The following SUPT3H variants were observed in gnomAD, a reference collection of about 807,000 sequenced individuals.
The protein encoded by SUPT3H is SPT3 homolog, SAGA and STAGA complex component.
SUPT3H carries 44 observed loss-of-function variants against 44.3 expected under a neutral mutation model. That is an observed-to-expected ratio of 0.99 (90% CI 0.78 to 1.28). The LOEUF is 1.28. Among genes scored for constraint, SUPT3H ranks in the 50% most tolerant of loss-of-function variants. SUPT3H has a pLI of 0.00. For missense variants in SUPT3H, 380 were observed against 387.1 expected (o/e 0.98, Z 0.15); for synonymous variants, 124 against 125.6 (o/e 0.99, Z 0.09).
Position 45,089,760 on chromosome 6 carries a change from A to G in SUPT3H, c.186+16162T>C, listed in dbSNP as rs1369930134. On this transcript the variant is annotated intron_variant, in intron 3 of 10. Coordinates refer to ENST00000371459, the MANE Select transcript of SUPT3H (RefSeq NM_003599.4). ...TTAGAGCTAGCAACAACTTTTGCCTAAATACTGCAATATCCTCCTTATAAC... is the reference window on the plus strand; with the variant it reads ...TTAGAGCTAGCAACAACTTTTGCCTGAATACTGCAATATCCTCCTTATAAC... Among the ~76,000 whole-genome samples, 4 of 152,056 alleles carry G rather than the reference A, an allele frequency of 2.6e-5. 1 individual carries two copies. In the East Asian group the frequency reaches 7.7e-4, roughly 29 times the overall value.
rs143807529 is a variant in SUPT3H, at chr6:45,242,079, C to T, written c.101+123122G>A. On this transcript the variant is annotated intron_variant, in intron 2 of 10. Coordinates refer to ENST00000371459, the MANE Select transcript of SUPT3H (RefSeq NM_003599.4). Reference sequence around the variant, plus strand: ...TTGTGGAAACTACAGAGCAAATTTACTTGACTTGGTCTTCTGCTGTAAACA... The same window carrying T: ...TTGTGGAAACTACAGAGCAAATTTATTTGACTTGGTCTTCTGCTGTAAACA... Among the ~76,000 whole-genome samples, 388 of 152,270 alleles carry T rather than the reference C, an allele frequency of 2.5e-3. 3 individuals are homozygous for T. The highest frequency in any genetic ancestry group is 8.5e-3 in the African/African-American group (354 of 41,558).
Position 44,866,034 on chromosome 6 carries a change from A to G in SUPT3H, c.913-36177T>C, listed in dbSNP as rs559794191. 1.4e-4 allele frequency among the ~76,000 whole-genome samples: 21 copies of G among 152,196 alleles called. 1 individual carries two copies. The highest frequency in any genetic ancestry group is 5.1e-4 in the African/African-American group (21 of 41,536). ...TACTTTCTCCTCAGAAACAGGTCTA[A>G]GAGAGATAACAGGAATTAAATTACA... is the stretch of plus-strand genomic sequence containing the variant. On this transcript the variant is annotated intron_variant, in intron 10 of 10. Transcript: ENST00000371459.
chr6:45,254,327 T>C (rs1772969310), intron 2 of SUPT3H, among the ~76,000 whole-genome samples: 2 of 152,154 alleles, frequency 1.3e-5, no homozygotes, highest in Admixed American at 1.3e-4. Context: ...GCCATTTCCT[T>C]TTCTCTTGTA....
chr6:45,099,898 A>G (rs566247049), intron 3 of SUPT3H, among the ~76,000 whole-genome samples: 2 of 152,330 alleles, frequency 1.3e-5, no homozygotes, highest in African/African-American at 2.4e-5. Context: ...GGCCATTTAC[A>G]TATCATTTTA....
chr6:44,901,243 C>T (rs529757234), intron 10 of SUPT3H, among the ~76,000 whole-genome samples: 1 of 152,132 alleles, frequency 6.6e-6, no homozygotes, highest in South Asian at 2.1e-4. Context: ...GGAGGAAGTT[C>T]GAACCCATGG....
chr6:45,329,426 G>A (rs151007996), intron 2 of SUPT3H, among the ~76,000 whole-genome samples: 100 of 151,974 alleles, frequency 6.6e-4, no homozygotes, highest in Non-Finnish European at 1.3e-4. Flanking sequence ...ATTTTTAAAA[G>A]ATCTTTATAG....
rs916158403 is a variant in SUPT3H at position 45,255,589 on chromosome 6, G to GT, written c.101+109611dup. ...GGCAGGCATCACCATGCCCAGCAAT[G>GT]TTTTTTTAATTTTTGTAGAAATGGG... On this transcript the variant is annotated intron_variant, in intron 2 of 10. Coordinates refer to ENST00000371459, the MANE Select transcript of SUPT3H (RefSeq NM_003599.4). Among the ~76,000 whole-genome samples the GT allele has an allele frequency of 7.7e-4, 116 of 151,592 alleles. 1 individual carries two copies. The highest frequency in any genetic ancestry group is 3.5e-4 in the Non-Finnish European group (24 of 67,860).
chr6:45,182,776 T>C (rs1205033126), intron 2 of SUPT3H, among the ~76,000 whole-genome samples: 2 of 152,172 alleles, frequency 1.3e-5, no homozygotes, highest in Non-Finnish European at 2.9e-5. Context: ...AGAAACACAA[T>C]GAGATACAAC....
intron 10 of SUPT3H, among the ~76,000 whole-genome samples, chr6:44,833,275 T>TTCTATTGTCTGAATTCCTA (rs1452505415): frequency 6.6e-6 from 1 of 152,152 alleles, no homozygotes; most frequent in Non-Finnish European, 1.5e-5. Flanking sequence ...GAGGTTTTGG[T>TTCTATTGTCTGAATTCCTA]TCTATTGTCT....
intron 2 of SUPT3H, among the ~76,000 whole-genome samples, chr6:45,199,497 AG>A (rs1228974502): frequency 6.6e-6 from 1 of 151,062 alleles, no homozygotes; most frequent in Non-Finnish European, 1.5e-5. Flanking sequence ...GAAAAAAAAA[AG>A]TCATTTGTTT....
At chr6:45,370,242 C>G (rs962976545) in intron 1 of SUPT3H, among the ~76,000 whole-genome samples, 2 of 152,118 alleles carry the variant, frequency 1.3e-5, no homozygotes, top group African/African-American at 4.8e-5. Context: ...GGTCAGATTT[C>G]TGGAATACAT....
At chr6:45,080,211 G>A (rs538460570) in intron 3 of SUPT3H, among the ~76,000 whole-genome samples, 3 of 152,040 alleles carry the variant, frequency 2.0e-5, no homozygotes, top group African/African-American at 4.8e-5. Context: ...ACAACTGATC[G>A]TCAGAGAAAT....
At chr6:45,331,204 C>T (rs1264021255) in intron 2 of SUPT3H, among the ~76,000 whole-genome samples, 3 of 151,774 alleles carry the variant, frequency 2.0e-5, no homozygotes, top group Non-Finnish European at 4.4e-5. Context: ...TTGAGTTAAT[C>T]AAAAATTTTC....
chr6:44,915,997 A>T (rs1767750720), intron 10 of SUPT3H, among the ~76,000 whole-genome samples: 1 of 152,150 alleles, frequency 6.6e-6, no homozygotes, highest in African/African-American at 2.4e-5. Context: ...ACAGAGTTTG[A>T]CTCTTTTCAT....
chr6:45,320,423 C>G (rs1407131188), intron 2 of SUPT3H, among the ~76,000 whole-genome samples: 2 of 151,896 alleles, frequency 1.3e-5, no homozygotes, highest in South Asian at 2.1e-4. Flanking sequence ...GTCACCATGC[C>G]TGGCTAATTT....
intron 2 of SUPT3H, among the ~76,000 whole-genome samples, chr6:45,157,660 T>C (rs920291089): frequency 2.1e-4 from 32 of 152,034 alleles, no homozygotes; most frequent in African/African-American, 3.4e-4. Flanking sequence ...GCTATTCTCC[T>C]GCCTCAGCCT....
At chr6:45,051,768 A>G (rs1325151409) in intron 3 of SUPT3H, among the ~76,000 whole-genome samples, 1 of 152,198 alleles carries the variant, frequency 6.6e-6, no homozygotes, top group African/African-American at 2.4e-5. Context: ...ACATATGCAA[A>G]GGAGTAATTA....
chr6:44,921,003 C>T (rs608941), intron 10 of SUPT3H, among the ~76,000 whole-genome samples: 91,319 of 152,018 alleles, frequency 0.6, 28,433 homozygotes, highest in African/African-American at 0.78. Flanking sequence ...ATCCTTTCGC[C>T]GTATCTAAGG....
At chr6:44,991,121 T>C (rs1437316672) in intron 6 of SUPT3H, among the ~76,000 whole-genome samples, 1 of 152,008 alleles carries the variant, frequency 6.6e-6, no homozygotes, top group Admixed American at 6.6e-5. Flanking sequence ...GTAGGACATG[T>C]AAAAGTAAGA....
Sources: allele counts gnomAD v4.1 joint callset (sites outside exome capture counted in the v4.1 genomes callset), GRCh38; gene constraint gnomAD v4.1.1; transcripts MANE v1.5; gene names NCBI Gene and HGNC (gene_info 2026-07-23, HGNC 2026-07-21).